Variants in SYN3 observed in about 807,000 individuals in gnomAD.
The protein encoded by SYN3 is synapsin-3.
A neutral mutation model predicts 65.8 loss-of-function variants in SYN3; 35 were observed. The ratio of observed to expected loss-of-function variants is 0.53; its 90% confidence interval spans 0.41 to 0.70. The LOEUF is 0.70. Ranked by LOEUF, SYN3 falls within the 30% of genes least tolerant of loss-of-function variation. The pLI, the probability that SYN3 is intolerant of heterozygous loss-of-function variation, is 0.00. For missense variants in SYN3, 680 were observed against 749.0 expected, an observed-to-expected ratio of 0.91 and a Z score of 1.08; for synonymous variants, 270 against 292.9, an observed-to-expected ratio of 0.92 and a Z score of 0.80.
intron 2 of SYN3, among the ~76,000 whole-genome samples, chr22:32,982,139 A>C (rs1265652695): frequency 6.6e-6 from 1 of 152,208 alleles, no homozygotes; most frequent in African/African-American, 2.4e-5. Flanking sequence ...GACGCCCATT[A>C]TCCAAATCTT....
chr22:32,637,136 G>GGTT (rs1381579747), intron 6 of SYN3, among the ~76,000 whole-genome samples: 1 of 152,170 alleles, frequency 6.6e-6, no homozygotes, highest in Non-Finnish European at 1.5e-5. Flanking sequence ...GGAGGAAGAC[G>GGTT]GTTGTGCCTG....
In SYN3 at chr22:32,552,535, G is replaced by A. The variant is rs1037094329; in HGVS notation, c.775-10822C>T. 3.3e-5 allele frequency among the ~76,000 whole-genome samples: 5 copies of A among 151,424 alleles called. No homozygotes were observed. In the East Asian group the frequency reaches 9.8e-4, roughly 30 times the overall value. ...AAACTTTTAGGTTAAAAACAAGCAG[G>A]ACTAAAGGAGAAAAACAAAGATGAG... On this transcript the variant is annotated intron_variant, in intron 7 of 13. Coordinates refer to ENST00000358763, the MANE Select transcript of SYN3 (RefSeq NM_003490.4).
At chr22:32,763,675 G>A (rs2045547763) in intron 6 of SYN3, among the ~76,000 whole-genome samples, 1 of 152,164 alleles carries the variant, frequency 6.6e-6, no homozygotes, top group African/African-American at 2.4e-5. Context: ...TGGAGTGACT[G>A]GGAGTCTGAC....
At chr22:32,586,400 T>C (rs963221374) in intron 7 of SYN3, among the ~76,000 whole-genome samples, 6 of 152,194 alleles carry the variant, frequency 3.9e-5, no homozygotes, top group Non-Finnish European at 8.8e-5. Context: ...TGTTGATTCA[T>C]TGACATTAAA....
intron 6 of SYN3, among the ~76,000 whole-genome samples, chr22:32,661,226 A>G (rs1278803654): frequency 1.3e-5 from 2 of 152,226 alleles, no homozygotes; most frequent in African/African-American, 4.8e-5. Context: ...GCTGTCTTCA[A>G]TTCCATTCAG....
chr22:32,518,277 T>C lies in SYN3; in HGVS notation c.1376A>G (p.Gln459Arg). The change falls in exon 13 of 14, where the codon CAG becomes CGG. Residue 459 changes from glutamine (Q) to arginine (R), a missense_variant. Physicochemically the swap from Gln to Arg is conservative, Grantham distance 43. Coordinates refer to ENST00000358763, the MANE Select transcript of SYN3 (RefSeq NM_003490.4). ...CTGCTGGCCTTGTGGGGAGAGCCTC[T>C]GTTGGGAGGGGCTTCCAGATCTCTG... ...QPQRSGSPSQ[Q>R]RLSPQGQQPL... The C allele has an allele frequency of 6.2e-7, 1 of 1,611,568 alleles. No homozygotes were observed. Among genetic ancestry groups the C allele is most frequent in the South Asian group, 1.1e-5 (1 of 90,762 alleles).
At chr22:32,604,506 C>T (rs1201024000) in intron 6 of SYN3, among the ~76,000 whole-genome samples, 1 of 136,526 alleles carries the variant, frequency 7.3e-6, no homozygotes, top group Non-Finnish European at 1.6e-5. Flanking sequence ...CTTTTCTAGG[C>T]CAATCCCGTC....
At chr22:32,763,662 G>T (rs2145732140) in intron 6 of SYN3, among the ~76,000 whole-genome samples, 1 of 152,324 alleles carries the variant, frequency 6.6e-6, no homozygotes, top group East Asian at 1.9e-4. Context: ...GATGGAGAGT[G>T]TCTGGAGTGA....
chr22:32,569,540 T>A (rs577578252), intron 7 of SYN3, among the ~76,000 whole-genome samples: 942 of 44,674 alleles, frequency 0.021, 15 homozygotes, highest in African/African-American at 0.14. Flanking sequence ...TCAATCAATC[T>A]CTCTCTCTCT....
chr22:32,676,528 C>CTTT (rs879196572), intron 6 of SYN3, among the ~76,000 whole-genome samples: 69 of 88,900 alleles, frequency 7.8e-4, no homozygotes, highest in Non-Finnish European at 9.6e-4. Context: ...TCTTTTCTTT[C>CTTT]TTTTTTTTTT....
At chr22:32,661,470 G>A (rs927260312) in intron 6 of SYN3, among the ~76,000 whole-genome samples, 7 of 152,262 alleles carry the variant, frequency 4.6e-5, no homozygotes, top group Non-Finnish European at 1.0e-4. Context: ...TGTAGAAGCC[G>A]AGAATTCCAA....
chr22:32,892,589 G>C (rs1229602763), intron 4 of SYN3, among the ~76,000 whole-genome samples: 10 of 152,194 alleles, frequency 6.6e-5, no homozygotes, highest in East Asian at 5.8e-4. Flanking sequence ...ATGTATTTCT[G>C]ATCCTTGAAA....
intron 1 of SYN3, among the ~76,000 whole-genome samples, chr22:33,034,113 G>C (rs1206849782): frequency 6.6e-6 from 1 of 151,434 alleles, no homozygotes; most frequent in African/African-American, 2.4e-5. Context: ...TTGAACCCAG[G>C]AGGCGGAGGT....
At chr22:32,715,233 A>G (rs1292136590) in intron 6 of SYN3, among the ~76,000 whole-genome samples, 1 of 152,214 alleles carries the variant, frequency 6.6e-6, no homozygotes, top group Non-Finnish European at 1.5e-5. Context: ...TGTGTCACTG[A>G]ACTATAAGAG....
intron 6 of SYN3, among the ~76,000 whole-genome samples, chr22:32,788,341 AC>A (rs2046242636): frequency 6.6e-6 from 1 of 152,144 alleles, no homozygotes; most frequent in Non-Finnish European, 1.5e-5. Context: ...GGAGTTCGAG[AC>A]CAGACTGGCC....
At chr22:32,540,153 C>G (rs1039831184) in intron 8 of SYN3, among the ~76,000 whole-genome samples, 1 of 152,208 alleles carries the variant, frequency 6.6e-6, no homozygotes, top group African/African-American at 2.4e-5. Context: ...TATAGCCCGT[C>G]AAGCCTAAAA....
At chr22:32,780,469 G>T (rs1177032218) in intron 6 of SYN3, among the ~76,000 whole-genome samples, 2 of 152,158 alleles carry the variant, frequency 1.3e-5, no homozygotes, top group Admixed American at 1.3e-4. Flanking sequence ...GCAGCCCTTG[G>T]TATTTTCTAC....
intron 3 of SYN3, among the ~76,000 whole-genome samples, chr22:32,973,660 C>T (rs2052092579): frequency 6.6e-6 from 1 of 152,162 alleles, no homozygotes; most frequent in Non-Finnish European, 1.5e-5. Context: ...ACTCGAACTC[C>T]AGTGAAACAA....
rs2052386355 is a variant in SYN3 at position 32,981,934 on chromosome 22, AACC to A, written c.312-1235_312-1233del. 1.3e-5 allele frequency among the ~76,000 whole-genome samples: 2 copies of A among 152,172 alleles called. 1 individual carries two copies. Among genetic ancestry groups the A allele is most frequent in the South Asian group, 4.1e-4 (2 of 4,824 alleles). On this transcript the variant is annotated intron_variant, in intron 2 of 13. Coordinates refer to ENST00000358763, the MANE Select transcript of SYN3 (RefSeq NM_003490.4). ...CACATGGTTTATCTTGGTATCCTCC[AACC>A]CTCCAATTTAGTCTTCAGAAATATG...
Sources: gnomAD v4.1 joint callset for allele counts (sites outside exome capture counted in the v4.1 genomes callset) on GRCh38, gnomAD v4.1.1 for gene constraint, MANE v1.5 for transcripts, NCBI Gene and HGNC (gene_info 2026-07-23, HGNC 2026-07-21) for gene names.